The following CSMD1 variants were observed in gnomAD, a reference collection of about 807,000 sequenced individuals.
CSMD1 encodes the protein CUB and sushi domain-containing protein 1.
In CSMD1, 213 loss-of-function variants were observed where a neutral mutation model predicts 417.5. The ratio of observed to expected loss-of-function variants is 0.51; its 90% CI spans 0.46 to 0.57. The LOEUF (loss-of-function observed/expected upper bound fraction) is 0.57, where lower values mean the gene tolerates loss of function less well. CSMD1 is among the 20% of genes least tolerant of loss of function. CSMD1 has a pLI of 0.00. For synonymous variants in CSMD1, 2,862 were observed against 1,736.8 expected, an observed-to-expected ratio of 1.65 and a Z score of -16.11; for missense variants, 6,923 against 4,529.7, an observed-to-expected ratio of 1.53 and a Z score of -15.17.
chr8:4,000,420 A>G (rs1042255566), intron 4 of CSMD1, among the ~76,000 whole-genome samples: 4 of 152,240 alleles, frequency 2.6e-5, no homozygotes, highest in Non-Finnish European at 5.9e-5. Flanking sequence ...AATCAGTACC[A>G]TATAAAAATA....
chr8:3,599,159 G>C (rs958935730), intron 8 of CSMD1, among the ~76,000 whole-genome samples: 124 of 145,338 alleles, frequency 8.5e-4, no homozygotes, highest in African/African-American at 3.0e-3. Context: ...GTCTGTGTGT[G>C]TGTCTGTGTG....
intron 7 of CSMD1, among the ~76,000 whole-genome samples, chr8:3,643,716 A>AAAAAAAAAAAC (rs1797430828): frequency 6.6e-6 from 1 of 150,918 alleles, no homozygotes; most frequent in South Asian, 2.1e-4. Context: ...AAAAAAAAAA[A>AAAAAAAAAAAC]AAAAAAGGAA....
At chr8:4,091,211 G>A (rs1009829785) in intron 3 of CSMD1, among the ~76,000 whole-genome samples, 4 of 151,838 alleles carry the variant, frequency 2.6e-5, no homozygotes, top group African/African-American at 7.3e-5. Flanking sequence ...GAACCACCAC[G>A]CCCTGCCAAA....
chr8:4,673,680 A>C (rs914290490), intron 1 of CSMD1, among the ~76,000 whole-genome samples: 2 of 152,162 alleles, frequency 1.3e-5, no homozygotes. Context: ...ATGCTTCCTC[A>C]ACATTTTCCC....
chr8:4,886,679 A>G (rs1803762211), intron 1 of CSMD1, among the ~76,000 whole-genome samples: 1 of 151,982 alleles, frequency 6.6e-6, no homozygotes, highest in Non-Finnish European at 1.5e-5. Flanking sequence ...AGTACATATC[A>G]CAGATTCATT....
intron 28 of CSMD1, among the ~76,000 whole-genome samples, chr8:3,222,021 T>C (rs754550891): frequency 6.6e-6 from 1 of 152,044 alleles, no homozygotes; most frequent in East Asian, 1.9e-4. Flanking sequence ...AGGATTCTGG[T>C]CTCTCCCTCC....
At chr8:3,344,768 G>A (rs940785509) in intron 22 of CSMD1, among the ~76,000 whole-genome samples, 4 of 152,086 alleles carry the variant, frequency 2.6e-5, no homozygotes, top group African/African-American at 9.7e-5. Flanking sequence ...ACCCAGGGAT[G>A]TACACAGATA....
intron 2 of CSMD1, among the ~76,000 whole-genome samples, chr8:4,424,354 A>C (rs1797422833): frequency 6.6e-6 from 1 of 151,938 alleles, no homozygotes; most frequent in Non-Finnish European, 1.5e-5. Flanking sequence ...CAAAAGGCAA[A>C]CAATCCAATT....
At chr8:3,790,307 C>T (rs1022511431) in intron 5 of CSMD1, among the ~76,000 whole-genome samples, 2 of 152,094 alleles carry the variant, frequency 1.3e-5, no homozygotes, top group African/African-American at 2.4e-5. Flanking sequence ...TGTGTAGCTA[C>T]TGGCTGTAAC....
chr8:4,172,536 T>G (rs915257326), intron 3 of CSMD1, among the ~76,000 whole-genome samples: 2 of 152,096 alleles, frequency 1.3e-5, no homozygotes, highest in Non-Finnish European at 2.9e-5. Flanking sequence ...TATTTCTGCT[T>G]TGCTTGCAGT....
chr8:4,444,833 A>G (rs777332300), intron 2 of CSMD1, among the ~76,000 whole-genome samples: 4 of 152,240 alleles, frequency 2.6e-5, no homozygotes, highest in Non-Finnish European at 5.9e-5. Context: ...ACAAGCCTTC[A>G]GGTGCAAATG....
chr8:4,489,023 G>A (rs540488650), intron 2 of CSMD1, among the ~76,000 whole-genome samples: 1 of 152,230 alleles, frequency 6.6e-6, no homozygotes, highest in Non-Finnish European at 1.5e-5. Context: ...CAATTCCCCT[G>A]TCTCAGCCTC....
chr8:4,244,163 C>G lies in CSMD1; in HGVS notation c.415+175790G>C, dbSNP rs56773863. ...AAGTAGATTTGTGCTACAGGCAGCT[C>G]TGCAAGTTTCTGGTAGAACCGTTTA... is the stretch of plus-strand genomic sequence containing the variant. On this transcript the variant is annotated intron_variant, in intron 3 of 69. Transcript: ENST00000635120. 7.2e-3 allele frequency among the ~76,000 whole-genome samples: 1,090 copies of G among 152,292 alleles called. 5 individuals carry two copies. Among genetic ancestry groups the G allele is most frequent in the Middle Eastern group, 0.027 (8 of 294 alleles).
intron 13 of CSMD1, 113 bp from the exon 14 acceptor site, chr8:3,408,338 A>T (rs1812477110): frequency 1.4e-6 from 1 of 693,168 alleles, no homozygotes. Flanking sequence ...AATAGCTATG[A>T]TGATCCAACT....
chr8:3,479,899 A>T (rs929702423), intron 11 of CSMD1, among the ~76,000 whole-genome samples: 6 of 152,250 alleles, frequency 3.9e-5, no homozygotes, highest in Non-Finnish European at 7.3e-5. Context: ...GAAATAAGTT[A>T]TAAAAATGAA....
At chr8:3,380,637 G>C (rs1344196499) in intron 18 of CSMD1, among the ~76,000 whole-genome samples, 11 of 152,102 alleles carry the variant, frequency 7.2e-5, no homozygotes, top group Admixed American at 7.2e-4. Context: ...ACTAACATAG[G>C]AATACAAAAC....
At chr8:4,431,635 A>C (rs906102080) in intron 2 of CSMD1, among the ~76,000 whole-genome samples, 2 of 152,164 alleles carry the variant, frequency 1.3e-5, no homozygotes, top group African/African-American at 4.8e-5. Flanking sequence ...ACAGACAAAC[A>C]AAAAACAGAG....
intron 49 of CSMD1, among the ~76,000 whole-genome samples, chr8:3,055,076 A>T (rs1426498038): frequency 1.3e-5 from 2 of 152,168 alleles, no homozygotes; most frequent in African/African-American, 2.4e-5. Flanking sequence ...CGCAGTGTTC[A>T]GCTTCCTTAA....
chr8:4,655,125 G>A (rs967449845), intron 1 of CSMD1, among the ~76,000 whole-genome samples: 1 of 150,714 alleles, frequency 6.6e-6, no homozygotes, highest in African/African-American at 2.4e-5. Context: ...CAAGGGTTTT[G>A]TCTTACTAAG....
Sources: allele counts gnomAD v4.1 joint callset (sites outside exome capture counted in the v4.1 genomes callset), GRCh38; gene constraint gnomAD v4.1.1; transcripts MANE v1.5; gene names NCBI Gene and HGNC (gene_info 2026-07-23, HGNC 2026-07-21).